Variants in DIPK2A observed in about 807,000 individuals in gnomAD.
DIPK2A encodes the protein divergent protein kinase domain 2A.
A neutral mutation model predicts 39.0 loss-of-function variants in DIPK2A; 27 were observed. That is an observed-to-expected ratio of 0.69 (90% CI 0.51 to 0.96). DIPK2A has a LOEUF of 0.96. Ranked by LOEUF, DIPK2A falls within the 40% of genes least tolerant of loss-of-function variation. DIPK2A has a pLI of 0.00. For missense variants in DIPK2A, 528 were observed against 571.3 expected, an observed-to-expected ratio of 0.92 and a Z score of 0.77; for synonymous variants, 298 against 240.8, an observed-to-expected ratio of 1.24 and a Z score of -2.20.
chr3:143,986,245 A>C (rs7629778), intron 2 of DIPK2A: 2 of 160,442 alleles, frequency 1.2e-5, no homozygotes, highest in Admixed American at 6.3e-5. Flanking sequence ...AAAGTGAAAA[A>C]CAGAATGGTT....
chr3:143,980,304 G>T (rs1319349272), intron 1 of DIPK2A, among the ~76,000 whole-genome samples: 1 of 152,076 alleles, frequency 6.6e-6, no homozygotes, highest in Non-Finnish European at 1.5e-5. Context: ...TGGAGTCTCT[G>T]TCATCCAGGC....
intron 1 of DIPK2A, chr3:143,973,777 C>T: frequency 1.7e-6 from 1 of 590,336 alleles, no homozygotes; most frequent in Non-Finnish European, 3.0e-6. Context: ...TGCCTTTCGC[C>T]AGTTGCGTTG....
chr3:143,975,181 TA>T (rs1234387565), intron 1 of DIPK2A, among the ~76,000 whole-genome samples: 1 of 152,156 alleles, frequency 6.6e-6, no homozygotes, highest in Non-Finnish European at 1.5e-5. Context: ...ATTACATTTT[TA>T]ATTTACACAA....
At chr3:143,977,362 T>C (rs1024030401) in intron 1 of DIPK2A, among the ~76,000 whole-genome samples, 1 of 152,048 alleles carries the variant, frequency 6.6e-6, no homozygotes. Context: ...TTTTGAACTT[T>C]AACGAGTGGG....
At position 143,972,611 on chromosome 3, in the gene DIPK2A, C is replaced by T. The variant is rs2087669827; in HGVS notation, c.279C>T (p.Phe93=). 1.9e-6 allele frequency: 3 copies of T among 1,612,066 alleles called. No individual in the cohort carries two copies. Among genetic ancestry groups the T allele is most frequent in the Non-Finnish European group, 2.5e-6 (3 of 1,179,664 alleles). Residue 93 remains phenylalanine, a synonymous_variant, in exon 1 of 3, where the codon TTC becomes TTT. Transcript: ENST00000315691. ...LDFLNVKNVY[F]AQYGEPREGG... is the part of the protein sequence containing the mutation. ...TCCTCAACGTGAAGAACGTGTACTT[C>T]GCGCAGTACGGCGAGCCCCGCGAGG...
In DIPK2A at chr3:143,972,471, C is replaced by G; in HGVS notation, c.139C>G (p.Arg47Gly). 1 of 1,605,194 alleles carries G rather than the reference C, an allele frequency of 6.2e-7. No individual in the cohort carries two copies. The highest frequency in any genetic ancestry group is 8.5e-7 in the Non-Finnish European group (1 of 1,175,102). ...TTGGCAGCGCAACGAACTGACCGACCGGCGCTTCCTGCAGCTCAATAAGTG... is the reference window on the plus strand; with the variant it reads ...TTGGCAGCGCAACGAACTGACCGACGGGCGCTTCCTGCAGCTCAATAAGTG... ...ASWQRNELTD[R>G]RFLQLNKCPA... The change falls in exon 1 of 3, where the codon CGG (arginine) becomes GGG (glycine). Residue 47 changes from arginine to glycine, a missense_variant. Around this residue, in one of 2 missense-constraint regions of DIPK2A, gnomAD observed 309 missense variants for 289.8 expected, o/e 1.07. Transcript: ENST00000315691.
At chr3:143,973,627 G>C (rs1395059890) in intron 1 of DIPK2A, 3 of 1,315,028 alleles carry the variant, frequency 2.3e-6, no homozygotes, top group Middle Eastern at 3.7e-4. Flanking sequence ...AAGTAAGGCA[G>C]CGTTGGACTT....
At chr3:143,976,654 C>T (rs186010562) in intron 1 of DIPK2A, among the ~76,000 whole-genome samples, 3 of 151,328 alleles carry the variant, frequency 2.0e-5, no homozygotes, top group Admixed American at 2.0e-4. Flanking sequence ...TGAAGATGGT[C>T]TTGTTTGTAG....
In DIPK2A at chr3:143,972,605, G is replaced by A; in HGVS notation, c.273G>A (p.Val91=). The A allele has an allele frequency of 6.2e-7, 1 of 1,612,216 alleles. No homozygotes were observed. Among genetic ancestry groups the A allele is most frequent in the Non-Finnish European group, 8.5e-7 (1 of 1,179,746 alleles). ...RLLDFLNVKN[V]YFAQYGEPRE... is the part of the protein sequence containing the mutation. Reference sequence around the variant, plus strand: ...TGGACTTCCTCAACGTGAAGAACGTGTACTTCGCGCAGTACGGCGAGCCCC... The same window carrying A: ...TGGACTTCCTCAACGTGAAGAACGTATACTTCGCGCAGTACGGCGAGCCCC... The change falls in exon 1 of 3, where the codon GTG becomes GTA. Residue 91 remains valine, a synonymous_variant. Coordinates refer to ENST00000315691, the MANE Select transcript of DIPK2A (RefSeq NM_173552.5).
intron 1 of DIPK2A, among the ~76,000 whole-genome samples, chr3:143,975,937 G>A (rs1048365861): frequency 1.3e-5 from 2 of 152,002 alleles, no homozygotes; most frequent in Admixed American, 1.3e-4. Flanking sequence ...AATTTCTTTT[G>A]ATAAGGTGTT....
intron 1 of DIPK2A, among the ~76,000 whole-genome samples, chr3:143,977,634 G>GT (rs1230856842): frequency 6.6e-6 from 1 of 152,008 alleles, no homozygotes; most frequent in Non-Finnish European, 1.5e-5. Context: ...TGTTTCTTTA[G>GT]TAACTGTCTT....
rs2087692253 is a variant in DIPK2A at position 143,973,816 on chromosome 3, T to A, written c.657+827T>A. On this transcript the variant is annotated intron_variant, in intron 1 of 2. Coordinates refer to ENST00000315691, the MANE Select transcript of DIPK2A (RefSeq NM_173552.5). Reference sequence around the variant, plus strand: ...GCTCTCGTCTGACTGTTTTGAAAAGTAATGTGCCTTTTAGGGGAATAGGAT... The same window carrying A: ...GCTCTCGTCTGACTGTTTTGAAAAGAAATGTGCCTTTTAGGGGAATAGGAT... 4 of 547,686 alleles carry A rather than the reference T, an allele frequency of 7.3e-6. No homozygotes were observed. In the South Asian group the frequency reaches 8.4e-5, roughly 11 times the overall value. The allele number at this position is 547,686 out of a possible 1,614,324, so 33.9% of individuals were successfully genotyped here.
chr3:143,983,606 G>C (rs144890617), intron 1 of DIPK2A, among the ~76,000 whole-genome samples: 281 of 152,258 alleles, frequency 1.8e-3, no homozygotes, highest in Non-Finnish European at 3.1e-3. Context: ...GAGAAAACGA[G>C]AAAGGTGTAA....
Position 143,990,541 on chromosome 3 carries a change from T to C in DIPK2A, c.*700T>C, listed in dbSNP as rs1422055929. 6.6e-6 allele frequency: 1 copy of C among 152,464 alleles called. No homozygotes were observed. Among genetic ancestry groups the C allele is most frequent in the African/African-American group, 2.4e-5 (1 of 41,418 alleles). The allele number at this position is 152,464 out of a possible 1,614,324, so 9.4% of individuals were successfully genotyped here. A position where few individuals can be genotyped will look rare whatever the true frequency, so the allele number is the denominator to read the frequency against. On this transcript the variant is annotated 3_prime_UTR_variant, in exon 3 of 3. Coordinates refer to ENST00000315691, the MANE Select transcript of DIPK2A (RefSeq NM_173552.5). ...GTCATTTCAGGTTATTTAACAGTTA[T>C]ATCCCTCTATGCCAATAATTAGAAG...
chr3:143,990,828 GCT>G lies in DIPK2A; in HGVS notation c.*990_*991del, dbSNP rs942591637. 1 of 152,492 alleles carries G rather than the reference GCT, an allele frequency of 6.6e-6. No homozygotes were observed. The highest frequency in any genetic ancestry group is 2.4e-5 in the African/African-American group (1 of 41,414). 9.4% of individuals were successfully genotyped at this position (152,492 alleles called of 1,614,324 possible). A position where few individuals can be genotyped will look rare whatever the true frequency, so the allele number is the denominator to read the frequency against. On this transcript the variant is annotated 3_prime_UTR_variant, in exon 3 of 3. Coordinates refer to ENST00000315691, the MANE Select transcript of DIPK2A (RefSeq NM_173552.5). ...TTACCACCCTACTTCCAGTATTTTAGCTCTGTCATTATTAAATTCAGATCTTC... is the reference window on the plus strand; with the variant it reads ...TTACCACCCTACTTCCAGTATTTTAGCTGTCATTATTAAATTCAGATCTTC...
chr3:143,979,533 A>C, intron 1 of DIPK2A, among the ~76,000 whole-genome samples: 1 of 152,118 alleles, frequency 6.6e-6, no homozygotes, highest in Non-Finnish European at 1.5e-5. Flanking sequence ...TTTGGGGGTT[A>C]ACTCTGAAAT....
chr3:143,985,874 T>C (rs2087892304), intron 2 of DIPK2A, 28 bp downstream of exon 2: 1 of 1,538,224 alleles, frequency 6.5e-7, no homozygotes, highest in Non-Finnish European at 8.8e-7. Flanking sequence ...GATTTTTTTC[T>C]ACTCATTTTT....
intron 2 of DIPK2A, among the ~76,000 whole-genome samples, chr3:143,987,322 C>G (rs970738460): frequency 2.8e-4 from 43 of 152,266 alleles, no homozygotes; most frequent in African/African-American, 1.0e-3. Context: ...TTTATGCAGA[C>G]ATTCCTGGAA....
intron 1 of DIPK2A, among the ~76,000 whole-genome samples, chr3:143,976,450 G>C (rs1395532970): frequency 6.6e-6 from 1 of 151,666 alleles, no homozygotes; most frequent in Non-Finnish European, 1.5e-5. Flanking sequence ...AGTTGTTGAA[G>C]TAATTGGCAA....
Sources: allele counts gnomAD v4.1 joint callset (sites outside exome capture counted in the v4.1 genomes callset), GRCh38; gene constraint gnomAD v4.1.1; regional missense constraint gnomAD v4.1.1; transcripts MANE v1.5; gene names NCBI Gene and HGNC (gene_info 2026-07-23, HGNC 2026-07-21).